BCAR3: variants seen among roughly 807,000 people sequenced by gnomAD.
BCAR3 encodes the protein BCAR3 adaptor protein, NSP family member.
BCAR3 carries 37 observed loss-of-function variants against 80.1 expected under a neutral mutation model. The observed-to-expected ratio is 0.46, with a 90% CI of 0.36 to 0.61. BCAR3 has a LOEUF of 0.61. Ranked by LOEUF, BCAR3 falls within the 20% of genes least tolerant of loss-of-function variation. The pLI, the probability that BCAR3 is intolerant of heterozygous loss-of-function variation, is 0.00. For synonymous variants in BCAR3, 389 were observed against 418.9 expected (o/e 0.93, Z 0.87); for missense variants, 978 against 1,068.2 (o/e 0.92, Z 1.18).
chr1:93,827,414 T>C (rs1296586459), intron 2 of BCAR3, among the ~76,000 whole-genome samples: 1 of 152,062 alleles, frequency 6.6e-6, no homozygotes, highest in South Asian at 2.1e-4. Flanking sequence ...TCTGCCAGAA[T>C]GGGACTTTAC....
intron 2 of BCAR3, among the ~76,000 whole-genome samples, chr1:93,720,027 T>TG (rs1650337936): frequency 3.9e-5 from 6 of 152,214 alleles, no homozygotes; most frequent in African/African-American, 1.2e-4. Context: ...TCCTGGGCAC[T>TG]GGTATGTTGT....
At chr1:93,749,115 T>C (rs1249195702) in intron 2 of BCAR3, among the ~76,000 whole-genome samples, 1 of 151,384 alleles carries the variant, frequency 6.6e-6, no homozygotes, top group Non-Finnish European at 1.5e-5. Flanking sequence ...TAATGGTATG[T>C]GTGTGGGCCC....
chr1:93,832,928 A>G (rs1008184914), intron 2 of BCAR3, among the ~76,000 whole-genome samples: 2 of 151,684 alleles, frequency 1.3e-5, no homozygotes, highest in Non-Finnish European at 2.9e-5. Flanking sequence ...CTCTCCTTGT[A>G]TCTCCCCACC....
At position 93,654,375 on chromosome 1, in the gene BCAR3, G is replaced by A. The variant is rs549842255; in HGVS notation, c.318-12032C>T. Among the ~76,000 whole-genome samples, 10 of 152,260 alleles carry A rather than the reference G, an allele frequency of 6.6e-5. 1 individual carries two copies. The highest frequency in any genetic ancestry group is 2.4e-4 in the African/African-American group (10 of 41,552). On this transcript the variant is annotated intron_variant, in intron 2 of 11. Transcript: ENST00000260502. The stretch of plus-strand genomic sequence containing the variant: ...ACAGAACTGCAAGTGGTCTCCAGGA[G>A]ATGGGAGCTGCCCTCACCACCGACA...
intron 2 of BCAR3, among the ~76,000 whole-genome samples, chr1:93,742,470 C>T (rs1651210225): frequency 6.6e-6 from 1 of 152,212 alleles, no homozygotes; most frequent in Non-Finnish European, 1.5e-5. Flanking sequence ...GTGTTCCTCA[C>T]ACAGGCTGTG....
In BCAR3 at chr1:93,733,748, T is replaced by TTG. The variant is rs1342874662; in HGVS notation, c.-62-27608_-62-27607dup. On this transcript the variant is annotated intron_variant, in intron 2 of 13. Transcript: ENST00000370244. ...ACATGTGTATGCACGTGGGTTGTGT[T>TTG]TGTGTGTGTGTGCATGCATCTACCC... Among the ~76,000 whole-genome samples, 51 of 152,258 alleles carry TTG rather than the reference T, an allele frequency of 3.3e-4. No homozygotes were observed. In the South Asian group the frequency reaches 0.01, roughly 30 times the overall value.
At chr1:93,778,716 C>T (rs1233074963) in intron 2 of BCAR3, among the ~76,000 whole-genome samples, 1 of 152,170 alleles carries the variant, frequency 6.6e-6, no homozygotes, top group Non-Finnish European at 1.5e-5. Flanking sequence ...CAGGGATTTT[C>T]CCTGCTGTCT....
intron 3 of BCAR3, chr1:93,613,775 C>T: frequency 6.6e-7 from 1 of 1,513,300 alleles, no homozygotes; most frequent in Non-Finnish European, 8.9e-7. Context: ...ATCTATTGCC[C>T]TTTAGGAAAC....
intron 2 of BCAR3, among the ~76,000 whole-genome samples, chr1:93,666,433 C>T (rs1398481454): frequency 6.6e-6 from 1 of 152,150 alleles, no homozygotes; most frequent in Non-Finnish European, 1.5e-5. Flanking sequence ...CTTCTCTCCA[C>T]CAGTCTAAGT....
intron 2 of BCAR3, among the ~76,000 whole-genome samples, chr1:93,645,103 ATGGG>A (rs1462172603): frequency 6.6e-6 from 1 of 152,172 alleles, no homozygotes; most frequent in Non-Finnish European, 1.5e-5. Flanking sequence ...AAAAGCGCCC[ATGGG>A]TGACTGGGGG....
intron 7 of BCAR3, among the ~76,000 whole-genome samples, chr1:93,581,209 GAC>G (rs1673693880): frequency 6.6e-6 from 1 of 151,706 alleles, no homozygotes; most frequent in Non-Finnish European, 1.5e-5. Flanking sequence ...CACATGGAAA[GAC>G]AGTCATGTTT....
chr1:93,655,768 GTCTT>G (rs1647354762), intron 2 of BCAR3, among the ~76,000 whole-genome samples: 1 of 152,174 alleles, frequency 6.6e-6, no homozygotes, highest in African/African-American at 2.4e-5. Context: ...TTTTAGGAGA[GTCTT>G]TCACATCCTT....
At chr1:93,705,488 C>T (rs1045372063) in intron 3 of BCAR3, among the ~76,000 whole-genome samples, 2 of 152,222 alleles carry the variant, frequency 1.3e-5, no homozygotes, top group Non-Finnish European at 1.5e-5. Context: ...CCCTAACACT[C>T]CCCTGTCAAA....
intron 2 of BCAR3, among the ~76,000 whole-genome samples, chr1:93,642,712 T>C (rs1415727726): frequency 6.6e-6 from 1 of 152,198 alleles, no homozygotes. Flanking sequence ...ACTGGTGGTG[T>C]CTGGGTTAAT....
intron 3 of BCAR3, among the ~76,000 whole-genome samples, chr1:93,615,404 G>T (rs1277359425): frequency 6.6e-6 from 1 of 152,148 alleles, no homozygotes; most frequent in African/African-American, 2.4e-5. Flanking sequence ...GTCAACATGG[G>T]GATGGAGCTG....
chr1:93,578,230 A>T (rs1428135660), intron 7 of BCAR3, among the ~76,000 whole-genome samples: 1 of 152,136 alleles, frequency 6.6e-6, no homozygotes, highest in Non-Finnish European at 1.5e-5. Context: ...GTCCCGGCCC[A>T]GCCCTCCTCC....
chr1:93,563,763 G>A (rs1672802031), intron 11 of BCAR3, among the ~76,000 whole-genome samples: 1 of 152,076 alleles, frequency 6.6e-6, no homozygotes, highest in Non-Finnish European at 1.5e-5. Flanking sequence ...CACGATCCTG[G>A]CTCACCACAA....
chr1:93,838,980 G>A (rs1195337246), intron 2 of BCAR3, among the ~76,000 whole-genome samples: 2 of 152,138 alleles, frequency 1.3e-5, no homozygotes, highest in Non-Finnish European at 2.9e-5. Context: ...CAGTTATTTA[G>A]TTATAAATAA....
rs113164060 is a variant in BCAR3, at chr1:93,577,342, G to A, written c.1687-1213C>T. Among the ~76,000 whole-genome samples the A allele has an allele frequency of 9.2e-4, 140 of 152,206 alleles. 1 individual carries two copies. Among genetic ancestry groups the A allele is most frequent in the African/African-American group, 3.2e-3 (134 of 41,514 alleles). On this transcript the variant is annotated intron_variant, in intron 7 of 11. Transcript: ENST00000260502. Reference sequence around the variant, plus strand: ...ACCCCAGGCTATCAAAACACATCTGGATGTTTAGGTGGTATTACTAACCCT... The same window carrying A: ...ACCCCAGGCTATCAAAACACATCTGAATGTTTAGGTGGTATTACTAACCCT...
Sources: gnomAD v4.1 joint callset for allele counts (sites outside exome capture counted in the v4.1 genomes callset) on GRCh38, gnomAD v4.1.1 for gene constraint, MANE v1.5 for transcripts, NCBI Gene and HGNC (gene_info 2026-07-23, HGNC 2026-07-21) for gene names.